Variants in SETD7 observed in about 807,000 individuals in gnomAD.
SETD7 encodes the protein histone-lysine N-methyltransferase SETD7.
SETD7 carries 16 observed loss-of-function variants against 41.8 expected under a neutral mutation model. That is an observed-to-expected ratio of 0.38 (90% CI 0.26 to 0.58). The LOEUF (loss-of-function observed/expected upper bound fraction) is 0.58. Among genes scored for constraint, SETD7 ranks in the 20% least tolerant of loss-of-function variants. The probability of loss-of-function intolerance (pLI) is 0.64; values close to 1 mark genes in which losing one functional copy is unlikely to be tolerated. For missense variants in SETD7, 346 were observed against 459.7 expected, an observed-to-expected ratio of 0.75 and a Z score of 2.26; for synonymous variants, 163 against 169.7, an observed-to-expected ratio of 0.96 and a Z score of 0.31.
At chr4:139,532,329 C>T (rs111444253) in intron 3 of SETD7, among the ~76,000 whole-genome samples, 2,737 of 152,164 alleles carry the variant, frequency 0.018, 84 homozygotes, top group African/African-American at 0.061. Context: ...ATCCCAGCTA[C>T]TAAGGAGGCT....
chr4:139,524,877 C>T (rs541707612), intron 4 of SETD7, among the ~76,000 whole-genome samples: 7 of 152,240 alleles, frequency 4.6e-5, no homozygotes, highest in South Asian at 2.1e-4. Flanking sequence ...AGAGCAATGG[C>T]GTGATCTCAG....
chr4:139,507,491 C>T lies in SETD7; in HGVS notation c.*4172G>A, dbSNP rs888505245. 4 of 152,590 alleles carry T rather than the reference C, an allele frequency of 2.6e-5. No homozygotes were observed. The highest frequency in any genetic ancestry group is 9.7e-5 in the African/African-American group (4 of 41,410). The allele number at this position is 152,590 out of a possible 1,614,324, so 9.5% of individuals were successfully genotyped here. A position where few individuals can be genotyped will look rare whatever the true frequency, so the allele number is the denominator to read the frequency against. The stretch of plus-strand genomic sequence containing the variant: ...TCTCAATAGACTCAGATAATTCTCA[C>T]CAAAATTTTTGTAATGTGTTTAAGT... On this transcript the variant is annotated 3_prime_UTR_variant, in exon 8 of 8. Transcript: ENST00000274031.
intron 2 of SETD7, among the ~76,000 whole-genome samples, chr4:139,537,762 A>G (rs1453158154): frequency 6.6e-6 from 1 of 152,264 alleles, no homozygotes; most frequent in African/African-American, 2.4e-5. Context: ...GAGAAGGAAC[A>G]TAACAGTGTT....
At chr4:139,528,425 T>G (rs1474133602) in intron 4 of SETD7, among the ~76,000 whole-genome samples, 1 of 152,248 alleles carries the variant, frequency 6.6e-6, no homozygotes, top group Non-Finnish European at 1.5e-5. Flanking sequence ...TTTGGAGAGA[T>G]AACCATTTGA....
At chr4:139,535,731 A>C (rs568669381) in intron 2 of SETD7, among the ~76,000 whole-genome samples, 1 of 152,314 alleles carries the variant, frequency 6.6e-6, no homozygotes, top group East Asian at 1.9e-4. Flanking sequence ...GGCATTGGAA[A>C]GCAAATCTTA....
chr4:139,520,153 T>C (rs1727140096), intron 6 of SETD7, 124 bp downstream of exon 6: 1 of 557,258 alleles, frequency 1.8e-6, no homozygotes, highest in Non-Finnish European at 3.2e-6. Context: ...AAATGTCCAA[T>C]CATTTTTACA....
At chr4:139,500,804 T>C (rs867071000) in intron 7 of SETD7, among the ~76,000 whole-genome samples, 1 of 152,160 alleles carries the variant, frequency 6.6e-6, no homozygotes, top group Non-Finnish European at 1.5e-5. Flanking sequence ...CCACCGTGAC[T>C]GGCTGCACCA....
At position 139,510,553 on chromosome 4, in the gene SETD7, C is replaced by T. The variant is rs938835871; in HGVS notation, c.*1110G>A. On this transcript the variant is annotated 3_prime_UTR_variant, in exon 8 of 8. Transcript: ENST00000274031. ...GAAGCAGGTAAGTGCTTTGAAATTA[C>T]AATGATGAAGAGTTTTAGCATCAAG... 1 of 152,166 alleles carries T rather than the reference C, an allele frequency of 6.6e-6. No homozygotes were observed. Among genetic ancestry groups the T allele is most frequent in the Non-Finnish European group, 1.5e-5 (1 of 68,036 alleles). The allele number at this position is 152,166 out of a possible 1,614,324, so 9.4% of individuals were successfully genotyped here.
At chr4:139,504,726 G>A (rs1726661332), downstream of SETD7, among the ~76,000 whole-genome samples, 1 of 152,156 alleles carries the variant, frequency 6.6e-6, no homozygotes, top group African/African-American at 2.4e-5. Context: ...CATCCCATTA[G>A]TATAGCTGGG....
At chr4:139,505,982 T>C (rs1471758924), downstream of SETD7, 1 of 152,670 alleles carries the variant, frequency 6.6e-6, no homozygotes. Flanking sequence ...AGACACATTA[T>C]AAGAAAACCA....
chr4:139,515,121 G>A (rs1471282762), intron 7 of SETD7, among the ~76,000 whole-genome samples: 2 of 137,910 alleles, frequency 1.5e-5, no homozygotes, highest in African/African-American at 2.8e-5. Context: ...AGCTGAGATC[G>A]CACCATTGCA....
downstream of SETD7, among the ~76,000 whole-genome samples, chr4:139,503,009 C>T (rs773262697): frequency 1.3e-5 from 2 of 151,728 alleles, no homozygotes; most frequent in Non-Finnish European, 2.9e-5. Flanking sequence ...GAAACCCTGT[C>T]TCTACCAAAA....
In SETD7 at chr4:139,533,232, C is replaced by T. The variant is rs781133891; in HGVS notation, c.305G>A (p.Gly102Glu). 1 of 1,614,200 alleles carries T rather than the reference C, an allele frequency of 6.2e-7. No homozygotes were observed. The highest frequency in any genetic ancestry group is 8.5e-7 in the Non-Finnish European group (1 of 1,180,020). Residue 102 changes from glycine (G) to glutamate (E), a missense_variant, in exon 3 of 8, where the codon GGG becomes GAG. Transcript: ENST00000274031. The part of the protein sequence containing the change: ...NGPAQEYDTD[G>E]RLIFKGQYKD... The stretch of plus-strand genomic sequence containing the variant: ...ATACTGCCCCTTGAAGATCAGTCTC[C>T]CATCTGTGTCATATTCCTGGGCTGG...
At position 139,509,740 on chromosome 4, in the gene SETD7, A is replaced by T; in HGVS notation, c.*1923T>A. 1.0e-6 allele frequency: 1 copy of T among 985,510 alleles called. No individual in the cohort carries two copies. Among genetic ancestry groups the T allele is most frequent in the African/African-American group, 1.7e-5 (1 of 57,384 alleles). 61.0% of individuals were successfully genotyped at this position (985,510 alleles called of 1,614,324 possible). A position where few individuals can be genotyped will look rare whatever the true frequency, so the allele number is the denominator to read the frequency against. On this transcript the variant is annotated 3_prime_UTR_variant, in exon 8 of 8. Transcript: ENST00000274031. ...GGCCCTGGCCCATCCGTCACAGTGT[A>T]TAGAACGGTCTCTTTCTACAGAGTA...
intron 2 of SETD7, 185 bp downstream of exon 2, chr4:139,546,735 G>T: frequency 1.4e-6 from 1 of 726,030 alleles, no homozygotes; most frequent in Non-Finnish European, 2.3e-6. Flanking sequence ...TAAGCCTTAG[G>T]CTGGCTGTCC....
intron 1 of SETD7, among the ~76,000 whole-genome samples, chr4:139,550,791 A>G (rs899045059): frequency 6.6e-6 from 1 of 152,196 alleles, no homozygotes; most frequent in African/African-American, 2.4e-5. Flanking sequence ...TGAATCTACT[A>G]TGATCGGCAT....
chr4:139,537,812 C>T lies in SETD7; in HGVS notation c.171-4446G>A, dbSNP rs1318971430. On this transcript the variant is annotated intron_variant, in intron 2 of 7. Transcript: ENST00000274031. ...AGCATTCTTATATGAATTCGATATGCATACAGGCTGTACGTGAGGAAAGTT... is the reference window on the plus strand; with the variant it reads ...AGCATTCTTATATGAATTCGATATGTATACAGGCTGTACGTGAGGAAAGTT... Among the ~76,000 whole-genome samples the T allele has an allele frequency of 4.6e-5, 7 of 152,164 alleles. No individual in the cohort carries two copies. The East Asian group carries it at 1.3e-3, about 29-fold the overall frequency.
chr4:139,535,647 T>G, intron 2 of SETD7, among the ~76,000 whole-genome samples: 1 of 152,178 alleles, frequency 6.6e-6, no homozygotes, highest in African/African-American at 2.4e-5. Flanking sequence ...ATCCCATCTA[T>G]CAGAGTACGA....
intron 2 of SETD7, among the ~76,000 whole-genome samples, chr4:139,539,981 T>C (rs2111162937): frequency 1.3e-5 from 2 of 152,292 alleles, no homozygotes; most frequent in South Asian, 4.1e-4. Flanking sequence ...ATTTCAGTTG[T>C]CTAAGCCACC....
Sources: allele counts gnomAD v4.1 joint callset (sites outside exome capture counted in the v4.1 genomes callset), GRCh38; gene constraint gnomAD v4.1.1; transcripts MANE v1.5; gene names NCBI Gene and HGNC (gene_info 2026-07-23, HGNC 2026-07-21).